KDM4B: variants seen among roughly 807,000 people sequenced by gnomAD.
The protein encoded by KDM4B is lysine demethylase 4B.
Under a neutral mutation model 125.2 loss-of-function variants are expected in KDM4B, and 32 were observed. That is an observed-to-expected ratio of 0.26 (90% confidence interval 0.19 to 0.34). The LOEUF (loss-of-function observed/expected upper bound fraction) is 0.34, where lower values mean the gene tolerates loss of function less well. KDM4B is among the 10% of genes least tolerant of loss of function. KDM4B has a pLI of 1.00. For synonymous variants in KDM4B, 721 were observed against 677.9 expected, an observed-to-expected ratio of 1.06 and a Z score of -0.99; for missense variants, 1,190 against 1,577.7, an observed-to-expected ratio of 0.75 and a Z score of 4.16.
intron 12 of KDM4B, 127 bp from the exon 13 acceptor site, chr19:5,131,760 T>C (rs1296763247): frequency 6.7e-6 from 8 of 1,199,774 alleles, no homozygotes; most frequent in South Asian, 2.6e-5. Flanking sequence ...TGTGGTTCTT[T>C]GCTGGGACAG....
chr19:5,101,943 C>T (rs1219672910), intron 9 of KDM4B, among the ~76,000 whole-genome samples: 1 of 152,174 alleles, frequency 6.6e-6, no homozygotes, highest in Admixed American at 6.5e-5. Flanking sequence ...CAGACACCCA[C>T]CTTCTCTGGC....
rs747537727 is a variant in KDM4B, at chr19:5,071,031, C to T, written c.648C>T (p.His216=). The T allele has an allele frequency of 3.3e-5, 53 of 1,613,372 alleles. No homozygotes were observed. The highest frequency in any genetic ancestry group is 4.1e-5 in the Non-Finnish European group (48 of 1,179,968). The change falls in exon 7 of 23, where the codon CAC becomes CAT. Residue 216 remains histidine, a synonymous_variant. Transcript: ENST00000159111. ...PKSWYAIPPE[H]GKRLERLAIG... is the part of the protein sequence containing the mutation. ...GCAGGTACGCCATCCCACCAGAGCA[C>T]GGCAAGCGCCTGGAGCGGCTGGCCA...
chr19:5,029,655 C>T (rs1009486767), intron 2 of KDM4B, among the ~76,000 whole-genome samples: 1 of 151,980 alleles, frequency 6.6e-6, no homozygotes, highest in Non-Finnish European at 1.5e-5. Context: ...GGCAAGACCC[C>T]GTCTCTACAA....
At chr19:4,986,071 G>T (rs535675405) in intron 1 of KDM4B, among the ~76,000 whole-genome samples, 1 of 152,352 alleles carries the variant, frequency 6.6e-6, no homozygotes, top group Admixed American at 6.5e-5. Context: ...GCCCGGCTTG[G>T]ATTGGTCCCC....
chr19:5,082,325 C>T lies in KDM4B; in HGVS notation c.781-42C>T. The stretch of plus-strand genomic sequence containing the variant: ...GCCCACGTCCCATCCCCTGGTGCGC[C>T]TCTGGTGGCCCTGCCCTCACCTGTC... On this transcript the variant is annotated intron_variant, in intron 8 of 22. Coordinates refer to ENST00000159111, the MANE Select transcript of KDM4B (RefSeq NM_015015.3). The surrounding 1 kb of genome is among the most constrained non-coding windows in gnomAD (Gnocchi z 5.4). The T allele has an allele frequency of 1.2e-6, 2 of 1,611,736 alleles. No individual in the cohort carries two copies. The highest frequency in any genetic ancestry group is 1.7e-6 in the Non-Finnish European group (2 of 1,179,236).
chr19:5,072,837 C>T (rs1020771320), intron 7 of KDM4B, among the ~76,000 whole-genome samples: 1 of 152,178 alleles, frequency 6.6e-6, no homozygotes, highest in African/African-American at 2.4e-5. Flanking sequence ...CAGGGGAGAA[C>T]CCACTTCCCG....
intron 5 of KDM4B, among the ~76,000 whole-genome samples, chr19:5,043,275 G>C (rs569377433): frequency 7.6e-4 from 98 of 129,134 alleles, no homozygotes; most frequent in African/African-American, 2.7e-3. Flanking sequence ...TGTGTTTATC[G>C]GAGTGGGGGT....
rs757385011 is a variant in KDM4B at position 5,137,247 on chromosome 19, C to T, written c.2309-15C>T. ...CCTGCCCCCCAGATCTCAGCCAGCC[C>T]CCGCTGTCTTCCAGGTTGCTATGGC... On this transcript the variant is annotated splice_polypyrimidine_tract_variant and intron_variant, in intron 15 of 22. Transcript: ENST00000159111. The T allele has an allele frequency of 4.1e-5, 64 of 1,560,242 alleles. No individual in the cohort carries two copies. Among genetic ancestry groups the T allele is most frequent in the Non-Finnish European group, 5.4e-5 (62 of 1,151,920 alleles).
intron 9 of KDM4B, among the ~76,000 whole-genome samples, chr19:5,098,772 G>T (rs550273741): frequency 9.9e-5 from 15 of 152,114 alleles, no homozygotes. Flanking sequence ...CATCATGGGA[G>T]GACTCAGTGA....
chr19:5,080,222 G>A (rs1364607274), intron 8 of KDM4B, among the ~76,000 whole-genome samples: 1 of 152,256 alleles, frequency 6.6e-6, no homozygotes, highest in Admixed American at 6.5e-5. Flanking sequence ...TTTCCAAGCT[G>A]TGTCAGTTTT....
At chr19:5,032,727 C>T (rs577092292) in intron 2 of KDM4B, 139 bp from the exon 3 acceptor site, 4 of 716,072 alleles carry the variant, frequency 5.6e-6, no homozygotes, top group Admixed American at 5.8e-5. Flanking sequence ...TCTGCCCTCA[C>T]TCAGCCGCGA....
At chr19:5,144,540 C>T (rs1055359696) in intron 20 of KDM4B, 128 bp downstream of exon 20, 3 of 880,278 alleles carry the variant, frequency 3.4e-6, no homozygotes, top group East Asian at 6.4e-5. Flanking sequence ...ACTCCAGATC[C>T]CTTCATGGGG....
rs2037068770 is a variant in KDM4B at position 5,047,635 on chromosome 19, A to T, written c.592A>T (p.Ile198Phe). The stretch of plus-strand genomic sequence containing the variant: ...CACCGAGGACATGGACCTGTACAGC[A>T]TCAACTACCTGCACTTTGGGGAGCC... ...WHTEDMDLYS[I>F]NYLHFGEPKS... The change falls in exon 6 of 23, where the codon ATC (isoleucine) becomes TTC (phenylalanine). Residue 198 changes from isoleucine (I) to phenylalanine (F), a missense_variant. Around this residue, in one of 7 missense-constraint regions of KDM4B, gnomAD observed 75 missense variants for 218.2 expected, o/e 0.34. Transcript: ENST00000159111. 6.2e-7 allele frequency: 1 copy of T among 1,613,820 alleles called. No individual in the cohort carries two copies. The highest frequency in any genetic ancestry group is 1.3e-5 in the African/African-American group (1 of 74,912).
chr19:5,103,478 C>T (rs549283071), intron 9 of KDM4B, among the ~76,000 whole-genome samples: 1 of 152,180 alleles, frequency 6.6e-6, no homozygotes, highest in East Asian at 1.9e-4. Flanking sequence ...ATCGGGCTGT[C>T]GGACGCGTCA....
intron 1 of KDM4B, among the ~76,000 whole-genome samples, chr19:5,003,038 G>A (rs2035441041): frequency 6.6e-6 from 1 of 152,236 alleles, no homozygotes; most frequent in Non-Finnish European, 1.5e-5. Context: ...TGGGGCTGGA[G>A]AGGAGTTCAC....
At chr19:5,027,859 C>T (rs2036329978) in intron 2 of KDM4B, among the ~76,000 whole-genome samples, 1 of 152,106 alleles carries the variant, frequency 6.6e-6, no homozygotes, top group African/African-American at 2.4e-5. Flanking sequence ...AATTTTTTTG[C>T]TAAGAGCTTT....
intron 6 of KDM4B, among the ~76,000 whole-genome samples, chr19:5,067,671 G>T (rs1441335488): frequency 6.6e-6 from 1 of 152,176 alleles, no homozygotes; most frequent in Admixed American, 6.5e-5. Context: ...GGGCTTGTGG[G>T]CAGGGCCCGT....
chr19:4,970,634 G>A (rs993445578), intron 1 of KDM4B, among the ~76,000 whole-genome samples: 4 of 152,112 alleles, frequency 2.6e-5, no homozygotes, highest in African/African-American at 7.2e-5. Context: ...TTTTATCACT[G>A]CCGTTATGGG....
chr19:5,033,134 GCAC>G, intron 3 of KDM4B, 103 bp downstream of exon 3: 5 of 1,375,992 alleles, frequency 3.6e-6, no homozygotes, highest in Non-Finnish European at 4.0e-6. Context: ...CGTGGCCTGT[GCAC>G]GTGGAATGTG....
Sources: gnomAD v4.1 joint callset for allele counts (sites outside exome capture counted in the v4.1 genomes callset) on GRCh38, gnomAD v4.1.1 for gene constraint, gnomAD v4.1.1 regional missense constraint, Gnocchi (gnomAD v3.1) non-coding constraint, MANE v1.5 for transcripts, NCBI Gene and HGNC (gene_info 2026-07-23, HGNC 2026-07-21) for gene names.